The following ADCY9 variants were observed in gnomAD, a reference collection of about 807,000 sequenced individuals.
ADCY9 encodes adenylate cyclase 9.
A neutral mutation model predicts 101.5 loss-of-function variants in ADCY9; 50 were observed. That is an observed-to-expected ratio of 0.49 (90% confidence interval 0.39 to 0.62). ADCY9 has a LOEUF of 0.62. Among genes scored for constraint, ADCY9 ranks in the 20% least tolerant of loss-of-function variants. The probability of loss-of-function intolerance (pLI) is 0.00; values close to 1 mark genes in which losing one functional copy is unlikely to be tolerated. For missense variants in ADCY9, 1,662 were observed against 1,800.4 expected, an observed-to-expected ratio of 0.92 and a Z score of 1.39; for synonymous variants, 905 against 769.3, an observed-to-expected ratio of 1.18 and a Z score of -2.92.
At chr16:4,083,720 CAG>C (rs1295557245) in intron 2 of ADCY9, among the ~76,000 whole-genome samples, 2 of 152,142 alleles carry the variant, frequency 1.3e-5, no homozygotes, top group Admixed American at 1.3e-4. Flanking sequence ...TGGGTGAACC[CAG>C]AAAACATTAG....
chr16:4,071,952 A>T (rs1317061768), intron 2 of ADCY9, among the ~76,000 whole-genome samples: 1 of 152,142 alleles, frequency 6.6e-6, no homozygotes, highest in Non-Finnish European at 1.5e-5. Context: ...CTGGGATTAC[A>T]GGCGATTCTC....
At chr16:4,075,105 A>G (rs2056858855) in intron 2 of ADCY9, among the ~76,000 whole-genome samples, 1 of 152,170 alleles carries the variant, frequency 6.6e-6, no homozygotes, top group African/African-American at 2.4e-5. Flanking sequence ...TCAGCCCAGG[A>G]AGCTGAGGCT....
intron 2 of ADCY9, among the ~76,000 whole-genome samples, chr16:4,046,128 G>C (rs2056663022): frequency 6.6e-6 from 1 of 152,142 alleles, no homozygotes; most frequent in Non-Finnish European, 1.5e-5. Context: ...TGGGATCACA[G>C]GTGTGAGCCA....
At chr16:4,012,082 C>G (rs2056408042) in intron 2 of ADCY9, among the ~76,000 whole-genome samples, 2 of 152,224 alleles carry the variant, frequency 1.3e-5, no homozygotes, top group Admixed American at 6.5e-5. Flanking sequence ...TGATTTGTTT[C>G]TGACTTGAGT....
intron 3 of ADCY9, among the ~76,000 whole-genome samples, chr16:4,002,002 G>A (rs2056334589): frequency 1.3e-5 from 2 of 152,222 alleles, no homozygotes; most frequent in Non-Finnish European, 2.9e-5. Flanking sequence ...ATCTGCCTTG[G>A]CCTCCCAAAG....
At chr16:3,985,836 C>G (rs567358498) in intron 6 of ADCY9, among the ~76,000 whole-genome samples, 1 of 152,308 alleles carries the variant, frequency 6.6e-6, no homozygotes, top group African/African-American at 2.4e-5. Context: ...CAGCCTCCCC[C>G]TCTGGGCCAC....
At chr16:4,059,673 G>A (rs977270598) in intron 2 of ADCY9, among the ~76,000 whole-genome samples, 4 of 151,940 alleles carry the variant, frequency 2.6e-5, no homozygotes, top group African/African-American at 9.7e-5. Flanking sequence ...CGAGGCAGGA[G>A]GATTGCTTGA....
At position 4,114,051 on chromosome 16, in the gene ADCY9, C is replaced by G. The variant is rs2057130836; in HGVS notation, c.1392G>C (p.Glu464Asp). Residue 464 changes from glutamate to aspartate, a missense_variant, in exon 2 of 11, where the codon GAG becomes GAC. Physicochemically the swap from Glu to Asp is conservative, Grantham distance 45. Coordinates refer to ENST00000294016, the MANE Select transcript of ADCY9 (RefSeq NM_001116.4). The surrounding 1 kb of genome is among the most constrained non-coding windows in gnomAD (Gnocchi z 4.3). ...PRADHAYCCI[E>D]MGLGMIKAIE... ...TGGCCTTGATCATGCCCAGGCCCAT[C>G]TCGATGCAGCAGTAGGCATGGTCGG... 1.2e-6 allele frequency: 2 copies of G among 1,613,744 alleles called. No individual in the cohort carries two copies. The highest frequency in any genetic ancestry group is 2.2e-5 in the East Asian group (1 of 44,894).
At chr16:4,083,768 A>G (rs559444718) in intron 2 of ADCY9, among the ~76,000 whole-genome samples, 8 of 152,356 alleles carry the variant, frequency 5.3e-5, no homozygotes, top group African/African-American at 1.9e-4. Context: ...AGGGCCACAT[A>G]TGATGTGATT....
chr16:3,959,587 C>A (rs770902453), downstream of ADCY9, among the ~76,000 whole-genome samples: 1 of 152,100 alleles, frequency 6.6e-6, no homozygotes, highest in African/African-American at 2.4e-5. Flanking sequence ...ACAGTAGTCG[C>A]TTGACAAATA....
intron 2 of ADCY9, among the ~76,000 whole-genome samples, chr16:4,106,080 C>G (rs560325166): frequency 1.3e-5 from 2 of 152,286 alleles, no homozygotes; most frequent in Admixed American, 1.3e-4. Flanking sequence ...GAACATTGAG[C>G]CTTCCCACTT....
chr16:4,107,550 C>CAAAAAAAAAA (rs61565312), intron 2 of ADCY9, among the ~76,000 whole-genome samples: 1 of 72,846 alleles, frequency 1.4e-5, no homozygotes, highest in African/African-American at 6.8e-5. Context: ...GACTCTGTCT[C>CAAAAAAAAAA]AAAAAAAAAA....
chr16:3,961,649 G>A (rs1267072986), downstream of ADCY9, among the ~76,000 whole-genome samples: 1 of 152,112 alleles, frequency 6.6e-6, no homozygotes, highest in Non-Finnish European at 1.5e-5. Flanking sequence ...GCAAGTCCAT[G>A]AGCAACCACC....
chr16:4,054,384 CA>C (rs778735546), intron 2 of ADCY9, among the ~76,000 whole-genome samples: 116 of 152,092 alleles, frequency 7.6e-4, no homozygotes, highest in Non-Finnish European at 1.2e-3. Context: ...CCGATTTTCC[CA>C]AACTGTGGTG....
Position 4,032,692 on chromosome 16 carries a change from G to T in ADCY9, c.1694-25134C>A, listed in dbSNP as rs148330780. The stretch of plus-strand genomic sequence containing the variant: ...GCCCGGCTAATTTTTTGTATTTTTA[G>T]TACAGGTGAGGTTTCACCATGTTGG... On this transcript the variant is annotated intron_variant, in intron 2 of 10. Transcript: ENST00000294016. The T allele has an allele frequency of 8.7e-3, 1,317 of 151,908 alleles. 9 individuals carry two copies. Among genetic ancestry groups the T allele is most frequent in the Non-Finnish European group, 0.015 (1,035 of 67,996 alleles). 9.4% of individuals were successfully genotyped at this position (151,908 alleles called of 1,614,324 possible).
At chr16:3,975,332 G>A (rs2056084816) in intron 9 of ADCY9, among the ~76,000 whole-genome samples, 1 of 152,140 alleles carries the variant, frequency 6.6e-6, no homozygotes, top group South Asian at 2.1e-4. Flanking sequence ...AGTACTGAAT[G>A]ACAGTCCTAT....
intron 3 of ADCY9, among the ~76,000 whole-genome samples, chr16:3,998,758 GAAAAGAAAAGA>G (rs2056308660): frequency 2.0e-4 from 1 of 4,948 alleles, no homozygotes; most frequent in Admixed American, 2.0e-3. Flanking sequence ...AGAAAGAAAA[GAAAAGAAAAGA>G]AAAGAAAAGA....
intron 2 of ADCY9, among the ~76,000 whole-genome samples, chr16:4,104,265 T>C (rs1210636217): frequency 2.0e-5 from 3 of 152,308 alleles, no homozygotes; most frequent in South Asian, 4.1e-4. Context: ...CTATTAGACT[T>C]TACTGACGTC....
At chr16:4,084,246 G>A (rs2056923291) in intron 2 of ADCY9, among the ~76,000 whole-genome samples, 1 of 151,976 alleles carries the variant, frequency 6.6e-6, no homozygotes, top group Non-Finnish European at 1.5e-5. Context: ...CAAGTAGCTG[G>A]GATTACAGGC....
Sources: gnomAD v4.1 joint callset for allele counts (sites outside exome capture counted in the v4.1 genomes callset) on GRCh38, gnomAD v4.1.1 for gene constraint, Gnocchi (gnomAD v3.1) non-coding constraint, MANE v1.5 for transcripts, NCBI Gene and HGNC (gene_info 2026-07-23, HGNC 2026-07-21) for gene names.